TNFRSF19: variants seen among roughly 807,000 people sequenced by gnomAD.
The protein encoded by TNFRSF19 is TNF receptor superfamily member 19, also known as tumor necrosis factor receptor superfamily member 19.
A neutral mutation model predicts 46.4 loss-of-function variants in TNFRSF19; 27 were observed. The observed-to-expected ratio is 0.58, with a 90% CI of 0.43 to 0.80. The LOEUF (loss-of-function observed/expected upper bound fraction) is 0.80, where lower values mean the gene tolerates loss of function less well. Among genes scored for constraint, TNFRSF19 ranks in the 30% least tolerant of loss-of-function variants. The pLI is 0.00. For missense variants in TNFRSF19, 511 were observed against 530.8 expected (o/e 0.96, Z 0.37); for synonymous variants, 204 against 205.0 (o/e 1.00, Z 0.04).
chr13:23,590,104 C>G (rs1463010674), intron 1 of TNFRSF19, 46 bp from the exon 2 acceptor site: 1 of 889,872 alleles, frequency 1.1e-6, no homozygotes, highest in Non-Finnish European at 1.8e-6. Flanking sequence ...AAAGCACAGT[C>G]ACTGATGTTT....
chr13:23,584,390 G>A (rs1337723555), intron 1 of TNFRSF19, among the ~76,000 whole-genome samples: 1 of 152,144 alleles, frequency 6.6e-6, no homozygotes, highest in African/African-American at 2.4e-5. Flanking sequence ...CCAGGTTGCT[G>A]TGAATGCCAT....
At chr13:23,601,679 C>T (rs1332860054) in intron 3 of TNFRSF19, among the ~76,000 whole-genome samples, 1 of 152,156 alleles carries the variant, frequency 6.6e-6, no homozygotes, top group Non-Finnish European at 1.5e-5. Flanking sequence ...TACACACACA[C>T]ACACACATAA....
At chr13:23,667,862 C>T in intron 7 of TNFRSF19, 118 bp from the exon 8 acceptor site, 2 of 788,932 alleles carry the variant, frequency 2.5e-6, no homozygotes, top group Non-Finnish European at 3.8e-6. Flanking sequence ...TATTCCTTTT[C>T]CCCCAAAAGT....
intron 5 of TNFRSF19, among the ~76,000 whole-genome samples, chr13:23,656,014 C>T (rs1883962122): frequency 6.6e-6 from 1 of 152,136 alleles, no homozygotes; most frequent in African/African-American, 2.4e-5. Flanking sequence ...TAAACTCATA[C>T]ATATAAACAA....
chr13:23,585,789 T>G (rs1346605064), intron 1 of TNFRSF19, among the ~76,000 whole-genome samples: 2 of 152,042 alleles, frequency 1.3e-5, no homozygotes. Context: ...AGTGTGACAG[T>G]GGGGAGTGGT....
intron 1 of TNFRSF19, among the ~76,000 whole-genome samples, chr13:23,572,414 A>T (rs983550779): frequency 2.6e-5 from 4 of 152,204 alleles, no homozygotes; most frequent in African/African-American, 9.7e-5. Flanking sequence ...AAAGAAAATT[A>T]GCCTTTTAAA....
chr13:23,635,268 G>A (rs1215599700), intron 5 of TNFRSF19, among the ~76,000 whole-genome samples: 1 of 152,132 alleles, frequency 6.6e-6, no homozygotes, highest in Non-Finnish European at 1.5e-5. Flanking sequence ...GAAAAAATGG[G>A]TAAAGAATCT....
intron 4 of TNFRSF19, among the ~76,000 whole-genome samples, chr13:23,621,486 A>AG (rs1431554585): frequency 6.6e-6 from 1 of 152,202 alleles, no homozygotes; most frequent in African/African-American, 2.4e-5. Flanking sequence ...TGTGACTCAC[A>AG]GGGCATAGTA....
chr13:23,573,829 G>A (rs561354516), intron 1 of TNFRSF19, among the ~76,000 whole-genome samples: 225 of 152,212 alleles, frequency 1.5e-3, no homozygotes, highest in African/African-American at 5.2e-3. Flanking sequence ...TTGGGAGGCC[G>A]AGGCAGACGG....
At chr13:23,639,444 C>T (rs908521288) in intron 5 of TNFRSF19, among the ~76,000 whole-genome samples, 9 of 152,172 alleles carry the variant, frequency 5.9e-5, no homozygotes, top group Non-Finnish European at 1.2e-4. Context: ...TAGCAGGTGT[C>T]CTTGGGGACA....
At chr13:23,673,304 C>T (rs747568215) in intron 9 of TNFRSF19, 68 bp from the exon 10 acceptor site, 7 of 1,522,532 alleles carry the variant, frequency 4.6e-6, no homozygotes, top group Admixed American at 1.9e-5. Flanking sequence ...AATTCTTTAC[C>T]ATTGAAATTT....
intron 5 of TNFRSF19, among the ~76,000 whole-genome samples, chr13:23,658,356 A>G (rs1884118797): frequency 6.6e-6 from 1 of 152,166 alleles, no homozygotes; most frequent in South Asian, 2.1e-4. Context: ...GTAGAGGTTG[A>G]CCCAGGCCAT....
intron 5 of TNFRSF19, among the ~76,000 whole-genome samples, chr13:23,639,916 A>C (rs1297584161): frequency 6.6e-6 from 1 of 152,242 alleles, no homozygotes; most frequent in Non-Finnish European, 1.5e-5. Flanking sequence ...GTCAGAATGA[A>C]TGATGATACT....
At chr13:23,639,684 A>T (rs139035691) in intron 5 of TNFRSF19, among the ~76,000 whole-genome samples, 223 of 152,240 alleles carry the variant, frequency 1.5e-3, no homozygotes, top group South Asian at 2.7e-3. Flanking sequence ...CCCCTGGAAG[A>T]TTTGGCCAGC....
rs1050610462 is a variant in TNFRSF19 at position 23,586,315 on chromosome 13, AAG to A, written c.-34-3828_-34-3827del. On this transcript the variant is annotated intron_variant, in intron 1 of 9. Transcript: ENST00000248484. ...GACCAGATGCAACAAAAAGGCTAGA[AAG>A]AGAGAGGAGTAACAAGGTAATTATA... is the stretch of plus-strand genomic sequence containing the variant. Among the ~76,000 whole-genome samples, 71 of 152,162 alleles carry A rather than the reference AAG, an allele frequency of 4.7e-4. 1 individual carries two copies. Among genetic ancestry groups the A allele is most frequent in the African/African-American group, 1.6e-3 (66 of 41,520 alleles).
intron 1 of TNFRSF19, chr13:23,579,377 G>C (rs1878209286): frequency 6.5e-6 from 1 of 152,676 alleles, no homozygotes; most frequent in African/African-American, 2.4e-5. Flanking sequence ...GGCTACGGGA[G>C]AGCGCGGAGC....
chr13:23,592,749 A>G (rs1305082973), intron 2 of TNFRSF19, among the ~76,000 whole-genome samples: 1 of 152,234 alleles, frequency 6.6e-6, no homozygotes, highest in African/African-American at 2.4e-5. Flanking sequence ...CCTCTAAGGA[A>G]ATGTAGTTCA....
At chr13:23,612,501 A>G (rs1880975612) in intron 3 of TNFRSF19, among the ~76,000 whole-genome samples, 1 of 152,200 alleles carries the variant, frequency 6.6e-6, no homozygotes, top group Middle Eastern at 3.2e-3. Flanking sequence ...CTGTAATTTA[A>G]TTTCTTGGAA....
In TNFRSF19 at chr13:23,668,014, G is replaced by C. The variant is rs1483573773; in HGVS notation, c.771G>C (p.Glu257Asp). The change falls in exon 8 of 10, where the codon GAG becomes GAC. Residue 257 changes from glutamate to aspartate, a missense_variant. Transcript: ENST00000248484. ...PVRLLPSMCC[E>D]EACSPNPATL... The stretch of plus-strand genomic sequence containing the variant: ...GCTTGCTCCCATCCATGTGCTGTGA[G>C]GAGGCCTGCAGCCCCAACCCGGCGA... The C allele has an allele frequency of 6.2e-7, 1 of 1,610,314 alleles. No individual in the cohort carries two copies. Among genetic ancestry groups the C allele is most frequent in the South Asian group, 1.1e-5 (1 of 89,734 alleles).
Sources: allele counts gnomAD v4.1 joint callset (sites outside exome capture counted in the v4.1 genomes callset), GRCh38; gene constraint gnomAD v4.1.1; transcripts MANE v1.5; gene names NCBI Gene and HGNC (gene_info 2026-07-23, HGNC 2026-07-21).